DMD: variants seen among roughly 807,000 people sequenced by gnomAD.
The protein encoded by DMD is mutant dystrophin.
DMD carries 63 observed loss-of-function variants against 330.1 expected under a neutral mutation model. The ratio of observed to expected loss-of-function variants is 0.19; its 90% CI spans 0.16 to 0.24. DMD has a LOEUF of 0.24. Among genes scored for constraint, DMD ranks in the 10% least tolerant of loss-of-function variants. The pLI is 1.00. For synonymous variants in DMD, 1,223 were observed against 959.8 expected, an observed-to-expected ratio of 1.27 and a Z score of -5.07; for missense variants, 3,344 against 2,684.1, an observed-to-expected ratio of 1.25 and a Z score of -5.43.
intron 47 of DMD, among the ~76,000 whole-genome samples, chrX:31,877,753 C>T (rs988107449): frequency 4.5e-5 from 5 of 111,031 alleles, no homozygotes; most frequent in African/African-American, 1.3e-4. Flanking sequence ...TATACTCCTA[C>T]GTCTGTAATA....
chrX:31,566,163 T>C (rs1178192438), intron 55 of DMD, among the ~76,000 whole-genome samples: 1 of 112,017 alleles, frequency 8.9e-6, no homozygotes. Flanking sequence ...ATGCTTTCAA[T>C]GCCAATTCTA....
intron 7 of DMD, among the ~76,000 whole-genome samples, chrX:32,737,164 A>G (rs781462356): frequency 1.8e-5 from 2 of 110,252 alleles, no homozygotes; most frequent in South Asian, 7.7e-4. Context: ...AAATCTATAT[A>G]ATTTTTTTTT....
At chrX:33,042,522 G>T (rs915038069) in intron 1 of DMD, among the ~76,000 whole-genome samples, 2 of 111,780 alleles carry the variant, frequency 1.8e-5, no homozygotes, top group African/African-American at 6.5e-5. Context: ...GGGATAAAAT[G>T]TTCAGGAAAG....
At chrX:31,732,158 C>A (rs1379149941) in intron 51 of DMD, among the ~76,000 whole-genome samples, 2 of 100,098 alleles carry the variant, frequency 2.0e-5, no homozygotes, top group Non-Finnish European at 4.0e-5. Flanking sequence ...AGGAGGTTCA[C>A]AACTGCAGTA....
Position 33,051,646 on chromosome X carries a change from A to T in DMD, c.32-31446T>A, listed in dbSNP as rs867628886. On this transcript the variant is annotated intron_variant, in intron 1 of 78. Transcript: ENST00000357033. ...TAAGGAAAATATATAATTACGCTCT[A>T]TTTTTTTTTTTTTTTTTTTGAGACG... 1.4e-3 allele frequency among the ~76,000 whole-genome samples: 102 copies of T among 71,858 alleles called. 1 individual carries two copies. Among genetic ancestry groups the T allele is most frequent in the Middle Eastern group, 7.6e-3 (1 of 131 alleles). 62.4% of individuals were successfully genotyped at this position (71,858 alleles called of 115,157 possible).
intron 23 of DMD, among the ~76,000 whole-genome samples, chrX:32,466,513 A>G (rs2040040645): frequency 9.0e-6 from 1 of 111,615 alleles, no homozygotes; most frequent in South Asian, 3.8e-4. Flanking sequence ...GTATATTACC[A>G]GAAAGGACTT....
chrX:31,773,174 G>A (rs1003993450), intron 51 of DMD, among the ~76,000 whole-genome samples: 9 of 112,059 alleles, frequency 8.0e-5, no homozygotes, highest in Non-Finnish European at 1.7e-4. Context: ...AGGCTTGAAA[G>A]CTGTTACAAG....
At chrX:32,889,549 A>G (rs1466223856) in intron 2 of DMD, among the ~76,000 whole-genome samples, 2 of 110,809 alleles carry the variant, frequency 1.8e-5, no homozygotes, top group African/African-American at 3.3e-5. Context: ...AAGATCCACA[A>G]AAGAGTGAAA....
intron 37 of DMD, among the ~76,000 whole-genome samples, chrX:32,356,024 A>G (rs1468690689): frequency 9.0e-6 from 1 of 110,960 alleles, no homozygotes; most frequent in Non-Finnish European, 1.9e-5. Flanking sequence ...TCAGAAAGAG[A>G]CTGCAAAATA....
chrX:31,344,045 G>GC (rs1569529595), intron 61 of DMD, among the ~76,000 whole-genome samples: 2 of 93,372 alleles, frequency 2.1e-5, no homozygotes, highest in Non-Finnish European at 2.3e-5. Context: ...TGCGGGGGGG[G>GC]GTGGATTATG....
intron 44 of DMD, among the ~76,000 whole-genome samples, chrX:32,041,626 G>A (rs2096003817): frequency 9.0e-6 from 1 of 111,017 alleles, no homozygotes; most frequent in African/African-American, 3.3e-5. Context: ...TGTAACAGCA[G>A]CACATTCTCC....
At chrX:33,129,325 CTTTTTTTTTTTTT>C (rs58505662) in intron 1 of DMD, among the ~76,000 whole-genome samples, 829 of 30,712 alleles carry the variant, frequency 0.027, 19 homozygotes, top group Non-Finnish European at 0.033. Flanking sequence ...TTAAGGTTTG[CTTTTTTTTTTTTT>C]TTTTTTTTTT....
intron 50 of DMD, among the ~76,000 whole-genome samples, chrX:31,778,565 A>ATTTTTTTTTTTTTTTTTTTTTTTTTTT (rs36164865): frequency 1.6e-5 from 1 of 63,059 alleles, no homozygotes; most frequent in Non-Finnish European, 2.7e-5. Context: ...AAGTCCTGAA[A>ATTTTTTTTTTTTTTTTTTTTTTTTTTT]TTTTTTTTTT....
intron 1 of DMD, among the ~76,000 whole-genome samples, chrX:33,279,876 G>C (rs1391965701): frequency 1.2e-5 from 1 of 84,908 alleles, no homozygotes; most frequent in South Asian, 6.0e-4. Context: ...AAACATCTGT[G>C]CCTGTCTTTT....
intron 44 of DMD, among the ~76,000 whole-genome samples, chrX:32,183,601 TAGAG>T (rs955233227): frequency 7.6e-5 from 8 of 104,617 alleles, no homozygotes; most frequent in Non-Finnish European, 9.8e-5. Context: ...TATGTATACA[TAGAG>T]AGAATCTAAA....
At chrX:33,250,144 T>A (rs1380974220) in intron 1 of DMD, among the ~76,000 whole-genome samples, 1 of 101,903 alleles carries the variant, frequency 9.8e-6, no homozygotes, top group Non-Finnish European at 2.0e-5. Context: ...TATGTGTGTG[T>A]ATGTGTGTAT....
At position 31,278,135 on chromosome X, in the gene DMD, G is replaced by A. The variant is rs1024831836; in HGVS notation, c.9225-17119C>T. 5.4e-5 allele frequency among the ~76,000 whole-genome samples: 6 copies of A among 111,140 alleles called. No individual in the cohort carries two copies. The East Asian group carries it at 8.4e-4, about 16-fold the overall frequency. Reference sequence around the variant, plus strand: ...GAAAAAGATTTACAGATATAGATGCGTGTGTGCGTGTGTGTGTGTACCAGG... The same window carrying A: ...GAAAAAGATTTACAGATATAGATGCATGTGTGCGTGTGTGTGTGTACCAGG... On this transcript the variant is annotated intron_variant, in intron 62 of 78. Transcript: ENST00000357033.
chrX:32,526,055 G>T (rs1457790935), intron 17 of DMD, among the ~76,000 whole-genome samples: 1 of 111,182 alleles, frequency 9.0e-6, no homozygotes, highest in African/African-American at 3.3e-5. Context: ...TACACCTTTG[G>T]AATCAGTCCA....
At chrX:31,840,457 A>G (rs939222384) in intron 48 of DMD, among the ~76,000 whole-genome samples, 1 of 110,330 alleles carries the variant, frequency 9.1e-6, no homozygotes, top group African/African-American at 3.3e-5. Flanking sequence ...ACACATACAC[A>G]TATGTGTGAG....
Sources: gnomAD v4.1 joint callset for allele counts (sites outside exome capture counted in the v4.1 genomes callset) on GRCh38, gnomAD v4.1.1 for gene constraint, MANE v1.5 for transcripts, NCBI Gene and HGNC (gene_info 2026-07-23, HGNC 2026-07-21) for gene names.